Variants in JMJD1C observed in about 807,000 individuals in gnomAD.
The protein encoded by JMJD1C is jumonji domain containing 1C, also known as jumonji domain-containing protein 1C.
Under a neutral mutation model 245.3 loss-of-function variants are expected in JMJD1C, and 31 were observed. That is an observed-to-expected ratio of 0.13 (90% confidence interval 0.09 to 0.17). The LOEUF (loss-of-function observed/expected upper bound fraction) is 0.17, where lower values mean the gene tolerates loss of function less well. JMJD1C is among the 10% of genes least tolerant of loss of function. JMJD1C has a pLI of 1.00. For synonymous variants in JMJD1C, 1,057 were observed against 1,017.4 expected (o/e 1.04, Z -0.74); for missense variants, 2,691 against 3,000.2 (o/e 0.90, Z 2.41).
intron 1 of JMJD1C, among the ~76,000 whole-genome samples, chr10:63,506,005 T>C (rs1954707800): frequency 6.6e-6 from 1 of 152,154 alleles, no homozygotes; most frequent in South Asian, 2.1e-4. Flanking sequence ...TTCTCAACAA[T>C]ACAGCAGTAT....
chr10:63,324,449 G>A (rs1380916229), intron 2 of JMJD1C, among the ~76,000 whole-genome samples: 1 of 152,180 alleles, frequency 6.6e-6, no homozygotes. Context: ...CTCCAAGAAA[G>A]TTCCTGCAGA....
intron 1 of JMJD1C, among the ~76,000 whole-genome samples, chr10:63,520,772 A>C (rs894153123): frequency 1.3e-5 from 2 of 152,208 alleles, no homozygotes; most frequent in Non-Finnish European, 2.9e-5. Flanking sequence ...GAGGCCCAGA[A>C]CAGTGGTATC....
At chr10:63,213,422 T>C (rs1449744074) in intron 8 of JMJD1C, 51 bp downstream of exon 8, 1 of 1,021,552 alleles carries the variant, frequency 9.8e-7, no homozygotes, top group Non-Finnish European at 1.5e-6. Context: ...AAAGCACCTG[T>C]ACATGTTCAT....
chr10:63,354,475 T>TA (rs1202009219), intron 2 of JMJD1C, among the ~76,000 whole-genome samples: 1 of 152,166 alleles, frequency 6.6e-6, no homozygotes, highest in Non-Finnish European at 1.5e-5. Flanking sequence ...TCATATTTTT[T>TA]ATTTGTGTAG....
chr10:63,339,987 G>A (rs1943219914), intron 2 of JMJD1C, among the ~76,000 whole-genome samples: 1 of 152,180 alleles, frequency 6.6e-6, no homozygotes, highest in Non-Finnish European at 1.5e-5. Context: ...TTGAACCCAG[G>A]AGGCGGAGGT....
intron 1 of JMJD1C, among the ~76,000 whole-genome samples, chr10:63,428,210 C>T (rs995466352): frequency 1.3e-5 from 2 of 152,154 alleles, no homozygotes; most frequent in African/African-American, 2.4e-5. Context: ...AAAGAAACTA[C>T]ATCAATCACT....
At chr10:63,281,627 C>T (rs1322094163) in intron 2 of JMJD1C, among the ~76,000 whole-genome samples, 1 of 151,438 alleles carries the variant, frequency 6.6e-6, no homozygotes, top group Admixed American at 6.6e-5. Context: ...CATGCCACCA[C>T]ACTTGGCTAA....
In JMJD1C at chr10:63,427,945, T is replaced by C. The variant is rs1950536702; in HGVS notation, c.168+37550A>G. The C allele has an allele frequency of 4.2e-6, 3 of 707,184 alleles. No homozygotes were observed. In the South Asian group the frequency reaches 4.4e-5, roughly 10 times the overall value. 43.8% of individuals were successfully genotyped at this position (707,184 alleles called of 1,614,324 possible). On this transcript the variant is annotated intron_variant, in intron 1 of 25. Transcript: ENST00000399262. The stretch of plus-strand genomic sequence containing the variant: ...ACCTAGAAGCAGCAGCAGCAGCAGT[T>C]TGTGTGGCCAGCTCATTGCCACCAC...
intron 1 of JMJD1C, among the ~76,000 whole-genome samples, chr10:63,410,643 C>G (rs1369473335): frequency 6.6e-6 from 1 of 152,084 alleles, no homozygotes; most frequent in African/African-American, 2.4e-5. Flanking sequence ...GAGTTAGCAT[C>G]TTCTTTTTAA....
At chr10:63,265,035 A>G (rs1855367295) in intron 2 of JMJD1C, among the ~76,000 whole-genome samples, 1 of 152,186 alleles carries the variant, frequency 6.6e-6, no homozygotes, top group South Asian at 2.1e-4. Flanking sequence ...GGATGTAATA[A>G]AATATGCATG....
intron 1 of JMJD1C, among the ~76,000 whole-genome samples, chr10:63,390,014 C>T (rs1479935694): frequency 1.3e-5 from 2 of 151,956 alleles, no homozygotes; most frequent in Non-Finnish European, 2.9e-5. Context: ...CCAAAATTAA[C>T]AGAAGGAAAG....
At chr10:63,402,725 C>T (rs1305464482) in intron 1 of JMJD1C, among the ~76,000 whole-genome samples, 1 of 152,080 alleles carries the variant, frequency 6.6e-6, no homozygotes, top group African/African-American at 2.4e-5. Flanking sequence ...TCTCACCACT[C>T]GATTTACTTT....
intron 3 of JMJD1C, among the ~76,000 whole-genome samples, chr10:63,232,827 A>G (rs1850183753): frequency 6.6e-6 from 1 of 152,210 alleles, no homozygotes; most frequent in African/African-American, 2.4e-5. Flanking sequence ...TTAAAATATG[A>G]TTACATGAAA....
At chr10:63,484,382 C>T (rs1953927398) in intron 1 of JMJD1C, among the ~76,000 whole-genome samples, 1 of 152,164 alleles carries the variant, frequency 6.6e-6, no homozygotes, top group African/African-American at 2.4e-5. Context: ...TTTTTGAGAT[C>T]ATACTGCTTT....
rs973036563 is a variant in JMJD1C, at chr10:63,189,338, C to G, written c.6400G>C (p.Glu2134Gln). Reference sequence around the variant, plus strand: ...CTTTCTTCAGGCTCTTCTTTAAGCTCTGGTTTTACATTTATCTTGGAGGTT... The same window carrying G: ...CTTTCTTCAGGCTCTTCTTTAAGCTGTGGTTTTACATTTATCTTGGAGGTT... ...SKTSKINVKP[E>Q]LKEEPEESII... The change falls in exon 18 of 26, where the codon GAG (glutamate) becomes CAG (glutamine). Residue 2134 changes from glutamate (E) to glutamine (Q), a missense_variant. Transcript: ENST00000399262. 6.8e-6 allele frequency: 11 copies of G among 1,613,708 alleles called. No homozygotes were observed. Among genetic ancestry groups the G allele is most frequent in the Non-Finnish European group, 9.3e-6 (11 of 1,179,908 alleles).
chr10:63,433,858 G>A (rs1392319084), intron 1 of JMJD1C, among the ~76,000 whole-genome samples: 3 of 150,094 alleles, frequency 2.0e-5, no homozygotes, highest in Non-Finnish European at 3.0e-5. Flanking sequence ...TGGGATTACG[G>A]GTCTGAGTCA....
At chr10:63,239,244 A>G (rs1008563750) in intron 3 of JMJD1C, among the ~76,000 whole-genome samples, 1 of 152,184 alleles carries the variant, frequency 6.6e-6, no homozygotes, top group African/African-American at 2.4e-5. Flanking sequence ...ACTGGTATGG[A>G]TTGAATTAAG....
chr10:63,237,377 T>G (rs377655531), intron 3 of JMJD1C, among the ~76,000 whole-genome samples: 1 of 152,138 alleles, frequency 6.6e-6, no homozygotes, highest in African/African-American at 2.4e-5. Context: ...TACAGTGCAA[T>G]GAATGTAACT....
At chr10:63,407,823 A>AC (rs1949258890) in intron 1 of JMJD1C, among the ~76,000 whole-genome samples, 1 of 151,794 alleles carries the variant, frequency 6.6e-6, no homozygotes, top group African/African-American at 2.4e-5. Flanking sequence ...AAACAAACAA[A>AC]AAAAAAAACA....
Sources: gnomAD v4.1 joint callset for allele counts (sites outside exome capture counted in the v4.1 genomes callset) on GRCh38, gnomAD v4.1.1 for gene constraint, MANE v1.5 for transcripts, NCBI Gene and HGNC (gene_info 2026-07-23, HGNC 2026-07-21) for gene names.